Variants in UTRN observed in about 807,000 individuals in gnomAD.
UTRN encodes the protein dystrophin-related protein 1.
Under a neutral mutation model 463.9 loss-of-function variants are expected in UTRN, and 283 were observed. That is an observed-to-expected ratio of 0.61 (90% CI 0.55 to 0.67). The LOEUF (loss-of-function observed/expected upper bound fraction) is 0.67. Ranked by LOEUF, UTRN falls within the 30% of genes least tolerant of loss-of-function variation. The pLI is 0.00. For missense variants in UTRN, 3,922 were observed against 4,084.3 expected (o/e 0.96, Z 1.08); for synonymous variants, 1,442 against 1,431.5 (o/e 1.01, Z -0.17).
intron 3 of UTRN, among the ~76,000 whole-genome samples, chr6:144,411,490 G>A (rs942284606): frequency 2.6e-5 from 4 of 152,138 alleles, no homozygotes; most frequent in Non-Finnish European, 4.4e-5. Context: ...GCCTCTGGCC[G>A]CCAGGTATCT....
intron 23 of UTRN, among the ~76,000 whole-genome samples, chr6:144,466,111 CA>C (rs1789938050): frequency 6.6e-6 from 1 of 152,068 alleles, no homozygotes. Context: ...TTGCTAATTC[CA>C]ATCATTTTCC....
At chr6:144,645,858 G>C (rs1033878948) in intron 51 of UTRN, among the ~76,000 whole-genome samples, 1 of 152,204 alleles carries the variant, frequency 6.6e-6, no homozygotes, top group Admixed American at 6.5e-5. Flanking sequence ...TGGGAGTGGG[G>C]GAGAAAGCAA....
intron 2 of UTRN, among the ~76,000 whole-genome samples, chr6:144,334,429 A>G (rs897725790): frequency 3.3e-5 from 5 of 149,416 alleles, no homozygotes; most frequent in African/African-American, 1.3e-4. Context: ...CGGGAGTGGT[A>G]GTGTTGCGTC....
chr6:144,845,306 A>AT (rs1351493523), intron 73 of UTRN, among the ~76,000 whole-genome samples: 1 of 152,098 alleles, frequency 6.6e-6, no homozygotes, highest in Non-Finnish European at 1.5e-5. Flanking sequence ...TTTTTTGTCC[A>AT]TTTTTTACTT....
intron 58 of UTRN, among the ~76,000 whole-genome samples, chr6:144,767,628 CAT>C (rs2128730868): frequency 6.6e-6 from 1 of 152,202 alleles, no homozygotes; most frequent in African/African-American, 2.4e-5. Flanking sequence ...AGAATTTACA[CAT>C]AGAAAAAGTT....
intron 52 of UTRN, among the ~76,000 whole-genome samples, chr6:144,683,310 C>T (rs1782399792): frequency 6.6e-6 from 1 of 152,080 alleles, no homozygotes; most frequent in South Asian, 2.1e-4. Context: ...CTAAGCATGC[C>T]CAATTATTCT....
At chr6:144,415,030 A>C (rs549773929) in intron 3 of UTRN, among the ~76,000 whole-genome samples, 1 of 152,242 alleles carries the variant, frequency 6.6e-6, no homozygotes, top group African/African-American at 2.4e-5. Flanking sequence ...CTTTTATATC[A>C]TATTTTGACT....
intron 25 of UTRN, among the ~76,000 whole-genome samples, chr6:144,479,026 G>A (rs1171322288): frequency 6.6e-6 from 1 of 151,566 alleles, no homozygotes; most frequent in Non-Finnish European, 1.5e-5. Flanking sequence ...TTTAATAGCA[G>A]CCTCTCCCTC....
At chr6:144,378,201 C>A (rs574028910) in intron 2 of UTRN, among the ~76,000 whole-genome samples, 1 of 152,250 alleles carries the variant, frequency 6.6e-6, no homozygotes, top group East Asian at 1.9e-4. Context: ...GTTGAAAAGG[C>A]AATACATATA....
chr6:144,849,261 G>T (rs73596399), intron 74 of UTRN, among the ~76,000 whole-genome samples: 1 of 152,120 alleles, frequency 6.6e-6, no homozygotes, highest in Non-Finnish European at 1.5e-5. Flanking sequence ...GCAACCAGGA[G>T]TCTAGAGCTT....
Position 144,533,997 on chromosome 6 carries a change from C to T in UTRN, c.6233+737C>T, listed in dbSNP as rs556381383. 2.2e-4 allele frequency among the ~76,000 whole-genome samples: 33 copies of T among 151,948 alleles called. No homozygotes were observed. In the South Asian group the frequency reaches 5.8e-3, roughly 27 times the overall value. ...TGGTAGTTTAGGGTTAAAAACTCCA[C>T]GATTTTTTTTTCTGTTAATTTTAAC... On this transcript the variant is annotated intron_variant, in intron 43 of 74. Coordinates refer to ENST00000367545, the MANE Select transcript of UTRN (RefSeq NM_007124.3).
intron 1 of UTRN, among the ~76,000 whole-genome samples, chr6:144,291,455 G>T (rs1804245876): frequency 6.6e-6 from 1 of 152,304 alleles, no homozygotes; most frequent in Admixed American, 6.5e-5. Context: ...AGACTCCTCT[G>T]CTGTGTGCTC....
intron 5 of UTRN, 46 bp from the exon 6 acceptor site, chr6:144,423,940 T>C: frequency 2.5e-6 from 4 of 1,582,514 alleles, no homozygotes; most frequent in Non-Finnish European, 3.5e-6. Flanking sequence ...GTGAAGAAAT[T>C]GTCTTAAAAG....
intron 51 of UTRN, among the ~76,000 whole-genome samples, chr6:144,669,833 G>A (rs577375581): frequency 2.6e-5 from 4 of 152,084 alleles, no homozygotes; most frequent in Admixed American, 1.3e-4. Context: ...GAGAACATAC[G>A]ATGTTTGATT....
rs59440296 is a variant in UTRN, at chr6:144,436,177, C to T, written c.1059+39C>T. ...GTTTCTTAGCAGGGTGTGTCCCCCA[C>T]GGGACCTGAGCCTTAATCAGGGACT... On this transcript the variant is annotated intron_variant, in intron 10 of 74. Transcript: ENST00000367545. 4,707 of 1,582,088 alleles carry T rather than the reference C, an allele frequency of 3.0e-3. 124 individuals carry two copies. The African/African-American group carries it at 0.053, about 18-fold the overall frequency.
At chr6:144,695,172 A>G (rs984574385) in intron 52 of UTRN, among the ~76,000 whole-genome samples, 4 of 152,150 alleles carry the variant, frequency 2.6e-5, no homozygotes, top group Admixed American at 2.6e-4. Context: ...AATGTCTGCT[A>G]AGATCATAAT....
chr6:144,308,139 G>C (rs572898791), intron 2 of UTRN, among the ~76,000 whole-genome samples: 227 of 152,240 alleles, frequency 1.5e-3, no homozygotes, highest in Middle Eastern at 6.8e-3. Flanking sequence ...ATTTCTCAGT[G>C]AGTTTAGCTC....
Position 144,462,668 on chromosome 6 carries a change from C to T in UTRN, c.2868C>T (p.Ile956=). Residue 956 remains isoleucine, a synonymous_variant, in exon 23 of 75, where the codon ATC becomes ATT. Coordinates refer to ENST00000367545, the MANE Select transcript of UTRN (RefSeq NM_007124.3). ...ACTTTTTCCAGACCCTTGATGAAAT[C>T]CTTGAGAATCAGAAACCTGCATTAC... ...ALQEKKTLDE[I]LENQKPALHK... is the part of the protein sequence containing the mutation. 1 of 1,601,380 alleles carries T rather than the reference C, an allele frequency of 6.2e-7. No homozygotes were observed. The highest frequency in any genetic ancestry group is 8.5e-7 in the Non-Finnish European group (1 of 1,177,064).
At chr6:144,415,052 G>A (rs1019353691) in intron 3 of UTRN, among the ~76,000 whole-genome samples, 21 of 152,100 alleles carry the variant, frequency 1.4e-4, no homozygotes, top group Admixed American at 1.2e-3. Flanking sequence ...TACCTTTTCT[G>A]TGTTTAGATA....
Sources: gnomAD v4.1 joint callset for allele counts (sites outside exome capture counted in the v4.1 genomes callset) on GRCh38, gnomAD v4.1.1 for gene constraint, MANE v1.5 for transcripts, NCBI Gene and HGNC (gene_info 2026-07-23, HGNC 2026-07-21) for gene names.